The following CUL2 variants were observed in gnomAD, a reference collection of about 807,000 sequenced individuals.
CUL2 encodes cullin 2, also known as cullin-2.
A neutral mutation model predicts 110.2 loss-of-function variants in CUL2; 22 were observed. The ratio of observed to expected loss-of-function variants is 0.20; its 90% CI spans 0.14 to 0.28. The LOEUF (loss-of-function observed/expected upper bound fraction) is 0.28. CUL2 is among the 10% of genes least tolerant of loss of function. The probability of loss-of-function intolerance (pLI) is 1.00; values close to 1 mark genes in which losing one functional copy is unlikely to be tolerated. For synonymous variants in CUL2, 279 were observed against 293.2 expected (o/e 0.95, Z 0.49); for missense variants, 631 against 905.5 (o/e 0.70, Z 3.89).
Position 35,031,634 on chromosome 10 carries a change from G to A in CUL2, c.1171-15C>T. On this transcript the variant is annotated splice_polypyrimidine_tract_variant and intron_variant, in intron 12 of 20. Coordinates refer to ENST00000374749, the MANE Select transcript of CUL2 (RefSeq NM_003591.4). The surrounding 1 kb of genome is among the most constrained non-coding windows in gnomAD (Gnocchi z 4.4). ...TACTTAGCAAGCTCATGTAGAAATT[G>A]ATAATAAATCTTACAAAGGGTGCTT... 6.2e-7 allele frequency: 1 copy of A among 1,613,456 alleles called. No homozygotes were observed.
chr10:35,017,211 T>G (rs1363412848), intron 17 of CUL2, among the ~76,000 whole-genome samples: 1 of 152,058 alleles, frequency 6.6e-6, no homozygotes, highest in Admixed American at 6.6e-5. Context: ...TGCTATTATG[T>G]CTCATAAACA....
intron 1 of CUL2, among the ~76,000 whole-genome samples, chr10:35,105,169 T>TA (rs1425103517): frequency 6.6e-6 from 1 of 150,620 alleles, no homozygotes; most frequent in Admixed American, 6.6e-5. Context: ...CTCATGCCTG[T>TA]AATCCCAGCA....
rs557201152 is a variant in CUL2, at chr10:35,022,104, G to GT, written c.1684+3027dup. Among the ~76,000 whole-genome samples, 132 of 151,928 alleles carry GT rather than the reference G, an allele frequency of 8.7e-4. 2 individuals carry two copies. The South Asian group carries it at 0.02, about 23-fold the overall frequency. ...ATGTCTGTCTTCCTACTAGACATGA[G>GT]TTTTTTTTGAGGGCCAAGGCTCTGT... On this transcript the variant is annotated intron_variant, in intron 17 of 20. Coordinates refer to ENST00000374749, the MANE Select transcript of CUL2 (RefSeq NM_003591.4).
intron 2 of CUL2, among the ~76,000 whole-genome samples, chr10:35,070,516 T>C (rs2086650485): frequency 6.6e-6 from 1 of 152,162 alleles, no homozygotes; most frequent in African/African-American, 2.4e-5. Flanking sequence ...CAGCACTAGT[T>C]AGGTCTAGCA....
chr10:35,096,252 A>AAAAAAC (rs1343288736), intron 2 of CUL2, among the ~76,000 whole-genome samples: 1 of 151,940 alleles, frequency 6.6e-6, no homozygotes, highest in Non-Finnish European at 1.5e-5. Context: ...CAGAAAAGAA[A>AAAAAAC]AAAACAAAAC....
chr10:35,018,923 C>A (rs962402541), intron 17 of CUL2, among the ~76,000 whole-genome samples: 1 of 151,814 alleles, frequency 6.6e-6, no homozygotes, highest in African/African-American at 2.4e-5. Flanking sequence ...GATGGGAATA[C>A]CAAGAGAAAA....
chr10:35,017,482 C>T (rs1469822134), intron 17 of CUL2, among the ~76,000 whole-genome samples: 1 of 151,890 alleles, frequency 6.6e-6, no homozygotes, highest in East Asian at 1.9e-4. Flanking sequence ...TCACTTAAAC[C>T]CAGGAGTTCG....
intron 2 of CUL2, among the ~76,000 whole-genome samples, chr10:35,069,611 G>C (rs1000173906): frequency 6.6e-6 from 1 of 151,290 alleles, no homozygotes; most frequent in Non-Finnish European, 1.5e-5. Flanking sequence ...AATAACATCA[G>C]AGAAATAACA....
chr10:35,047,109 C>G (rs1259564105), intron 6 of CUL2, among the ~76,000 whole-genome samples: 1 of 152,124 alleles, frequency 6.6e-6, no homozygotes, highest in African/African-American at 2.4e-5. Flanking sequence ...CTATAATATG[C>G]TGACTAAATT....
chr10:35,101,588 T>G (rs1033319530), intron 1 of CUL2, among the ~76,000 whole-genome samples: 2 of 152,178 alleles, frequency 1.3e-5, no homozygotes, highest in Non-Finnish European at 2.9e-5. Flanking sequence ...CCAAGATTAG[T>G]TTTGAACTGA....
intron 2 of CUL2, among the ~76,000 whole-genome samples, chr10:35,067,031 C>A (rs1445394544): frequency 6.6e-6 from 1 of 151,772 alleles, no homozygotes; most frequent in Non-Finnish European, 1.5e-5. Flanking sequence ...TGCCTGTAAT[C>A]CCAGATACTA....
intron 1 of CUL2, among the ~76,000 whole-genome samples, chr10:35,085,274 C>CA (rs1172844346): frequency 1.3e-5 from 2 of 148,904 alleles, no homozygotes; most frequent in East Asian, 4.0e-4. Context: ...TAAAAAAATA[C>CA]AAAAAATTAG....
At chr10:35,069,369 C>A (rs1432426089) in intron 2 of CUL2, among the ~76,000 whole-genome samples, 1 of 151,774 alleles carries the variant, frequency 6.6e-6, no homozygotes, top group Admixed American at 6.6e-5. Flanking sequence ...TGAGAACTCA[C>A]CTCTACAAAA....
intron 1 of CUL2, among the ~76,000 whole-genome samples, chr10:35,113,826 G>T (rs544273177): frequency 6.6e-6 from 1 of 150,674 alleles, no homozygotes; most frequent in African/African-American, 2.4e-5. Context: ...CCTGCATCAG[G>T]CCCCTGAGAA....
chr10:35,070,072 G>A (rs1164212659), intron 2 of CUL2, among the ~76,000 whole-genome samples: 1 of 152,134 alleles, frequency 6.6e-6, no homozygotes, highest in South Asian at 2.1e-4. Flanking sequence ...CTACCCGTAT[G>A]ACCCTGGGCA....
intron 1 of CUL2, among the ~76,000 whole-genome samples, chr10:35,121,687 G>A (rs1014806376): frequency 2.6e-5 from 4 of 152,004 alleles, no homozygotes; most frequent in African/African-American, 9.7e-5. Flanking sequence ...GCACATGTCT[G>A]TAGTTCCAGC....
In CUL2 at chr10:35,031,536, G is replaced by T; in HGVS notation, c.1254C>A (p.Phe418Leu). 1 of 1,614,164 alleles carries T rather than the reference G, an allele frequency of 6.2e-7. No homozygotes were observed. The highest frequency in any genetic ancestry group is 8.5e-7 in the Non-Finnish European group (1 of 1,180,016). Residue 418 changes from phenylalanine (F) to leucine (L), a missense_variant, in exon 13 of 21, where the codon TTC becomes TTA. Around this residue, in one of 3 missense-constraint regions of CUL2, gnomAD observed 134 missense variants for 260.4 expected, o/e 0.51. Transcript: ENST00000374749. This position sits in a 1 kb window ranked among gnomAD's most constrained non-coding sequence, Gnocchi z 4.4. Reference protein sequence around the residue: ...ENEVEDRLTSFITVFKYIDDK... With the variant: ...ENEVEDRLTSLITVFKYIDDK... ...CATCAATGTATTTGAACACTGTGAT[G>T]AAGCTCGTGAGCCTGTCTTCCACTT...
chr10:35,029,385 T>C, intron 15 of CUL2, 103 bp downstream of exon 15: 2 of 819,416 alleles, frequency 2.4e-6, no homozygotes, highest in Non-Finnish European at 1.8e-6. Context: ...GAAGCCACAA[T>C]CTACTCACAG....
chr10:35,023,326 C>G (rs1437530543), intron 17 of CUL2, among the ~76,000 whole-genome samples: 2 of 151,758 alleles, frequency 1.3e-5, no homozygotes, highest in African/African-American at 4.8e-5. Flanking sequence ...TGACTCAAAA[C>G]AAAAAAATAA....
Sources: gnomAD v4.1 joint callset for allele counts (sites outside exome capture counted in the v4.1 genomes callset) on GRCh38, gnomAD v4.1.1 for gene constraint, gnomAD v4.1.1 regional missense constraint, Gnocchi (gnomAD v3.1) non-coding constraint, MANE v1.5 for transcripts, NCBI Gene and HGNC (gene_info 2026-07-23, HGNC 2026-07-21) for gene names.